Variants in AUTS2 observed in about 807,000 individuals in gnomAD.
AUTS2 encodes the protein activator of transcription and developmental regulator AUTS2, also known as autism susceptibility gene 2 protein.
In AUTS2, 17 loss-of-function variants were observed where a neutral mutation model predicts 112.4. The ratio of observed to expected loss-of-function variants is 0.15; its 90% confidence interval spans 0.10 to 0.23. The LOEUF (loss-of-function observed/expected upper bound fraction) is 0.23, where lower values mean the gene tolerates loss of function less well. Ranked by LOEUF, AUTS2 falls within the 10% of genes least tolerant of loss-of-function variation. The pLI, the probability that AUTS2 is intolerant of heterozygous loss-of-function variation, is 1.00. For synonymous variants in AUTS2, 751 were observed against 702.7 expected, an observed-to-expected ratio of 1.07 and a Z score of -1.09; for missense variants, 1,510 against 1,701.6, an observed-to-expected ratio of 0.89 and a Z score of 1.98.
chr7:70,742,710 C>T (rs1277208008), intron 6 of AUTS2, among the ~76,000 whole-genome samples: 1 of 152,144 alleles, frequency 6.6e-6, no homozygotes, highest in Non-Finnish European at 1.5e-5. Flanking sequence ...TGCAGTGAGC[C>T]GAGATCGCGC....
chr7:69,948,897 C>G (rs1052917194), intron 2 of AUTS2, among the ~76,000 whole-genome samples: 6 of 151,960 alleles, frequency 3.9e-5, no homozygotes, highest in African/African-American at 1.5e-4. Context: ...CCTCCACCTC[C>G]CGGGTTCAAG....
At chr7:69,761,002 G>A (rs1788163865) in intron 1 of AUTS2, among the ~76,000 whole-genome samples, 1 of 152,140 alleles carries the variant, frequency 6.6e-6, no homozygotes, top group Non-Finnish European at 1.5e-5. Flanking sequence ...TTGATGACAG[G>A]TAAATTTTTC....
At chr7:70,645,466 C>G (rs1005247734) in intron 5 of AUTS2, among the ~76,000 whole-genome samples, 3 of 152,032 alleles carry the variant, frequency 2.0e-5, no homozygotes, top group African/African-American at 7.2e-5. Context: ...GCTGCAGCAG[C>G]CTTTCAGAAT....
chr7:69,668,593 G>A (rs1230049079), intron 1 of AUTS2, among the ~76,000 whole-genome samples: 3 of 152,148 alleles, frequency 2.0e-5, no homozygotes, highest in Admixed American at 6.5e-5. Context: ...CATGAACCTA[G>A]CAACCAATTT....
intron 5 of AUTS2, among the ~76,000 whole-genome samples, chr7:70,646,000 C>T (rs1358067208): frequency 6.6e-6 from 1 of 152,170 alleles, no homozygotes; most frequent in African/African-American, 2.4e-5. Flanking sequence ...TTCACACCAC[C>T]GTCATGCTTT....
intron 4 of AUTS2, among the ~76,000 whole-genome samples, chr7:70,364,523 G>A (rs994724663): frequency 2.0e-5 from 3 of 150,710 alleles, no homozygotes; most frequent in African/African-American, 4.9e-5. Context: ...CCAGGATCAC[G>A]CCACTGCACT....
intron 1 of AUTS2, among the ~76,000 whole-genome samples, chr7:69,776,515 C>T (rs183023237): frequency 8.6e-4 from 131 of 152,178 alleles, no homozygotes; most frequent in African/African-American, 2.9e-3. Context: ...TCCTGGGCTC[C>T]GGTGAGCCCC....
At chr7:70,410,757 C>T (rs954417281) in intron 4 of AUTS2, among the ~76,000 whole-genome samples, 13 of 152,032 alleles carry the variant, frequency 8.6e-5, no homozygotes, top group African/African-American at 3.1e-4. Context: ...ACAGTCTCTT[C>T]TGGGATTTGT....
At chr7:70,105,409 G>A (rs1252166243) in intron 2 of AUTS2, among the ~76,000 whole-genome samples, 1 of 152,092 alleles carries the variant, frequency 6.6e-6, no homozygotes, top group African/African-American at 2.4e-5. Flanking sequence ...ACAGGCATAT[G>A]CCACAATGCC....
chr7:70,663,471 A>G (rs939094217), intron 5 of AUTS2, among the ~76,000 whole-genome samples: 2 of 152,150 alleles, frequency 1.3e-5, no homozygotes, highest in African/African-American at 2.4e-5. Context: ...GCTTCAATGG[A>G]ACGGACGTTG....
chr7:70,743,101 C>A, intron 6 of AUTS2, among the ~76,000 whole-genome samples: 1 of 152,136 alleles, frequency 6.6e-6, no homozygotes, highest in East Asian at 1.9e-4. Flanking sequence ...GCTTTTTAGT[C>A]TGTTTAGTAA....
intron 1 of AUTS2, among the ~76,000 whole-genome samples, chr7:69,742,788 GCTCTTCTC>G (rs1787324801): frequency 6.6e-6 from 1 of 152,152 alleles, no homozygotes; most frequent in African/African-American, 2.4e-5. Flanking sequence ...CACATTTAAA[GCTCTTCTC>G]CAAGCCTCAC....
intron 2 of AUTS2, among the ~76,000 whole-genome samples, chr7:69,910,023 T>C (rs1782006653): frequency 1.3e-5 from 2 of 152,218 alleles, no homozygotes; most frequent in Non-Finnish European, 1.5e-5. Context: ...TGTGCACTGC[T>C]GGAAGGTTGC....
At chr7:70,013,874 C>T (rs973335234) in intron 2 of AUTS2, among the ~76,000 whole-genome samples, 17 of 152,136 alleles carry the variant, frequency 1.1e-4, no homozygotes, top group African/African-American at 1.4e-4. Flanking sequence ...CGTATCACCA[C>T]GCCCGGCTAA....
chr7:69,838,245 A>C (rs760828465), intron 1 of AUTS2, among the ~76,000 whole-genome samples: 2 of 152,218 alleles, frequency 1.3e-5, no homozygotes, highest in Non-Finnish European at 2.9e-5. Context: ...TCTGAATATG[A>C]GATGACTTAG....
At chr7:69,803,662 T>TGTTCCCGG (rs2129340139) in intron 1 of AUTS2, among the ~76,000 whole-genome samples, 1 of 152,352 alleles carries the variant, frequency 6.6e-6, no homozygotes, top group African/African-American at 2.4e-5. Context: ...TGTTCCCACC[T>TGTTCCCGG]GTTCCCGGGG....
In AUTS2 at chr7:69,987,872, A is replaced by C. The variant is rs570544336; in HGVS notation, c.522+88374A>C. ...TGTTGTTCCAGATGAATTCACTTTTATATTGTATCAGTTGATGCCATTTCA... is the reference window on the plus strand; with the variant it reads ...TGTTGTTCCAGATGAATTCACTTTTCTATTGTATCAGTTGATGCCATTTCA... On this transcript the variant is annotated intron_variant, in intron 2 of 18. Transcript: ENST00000342771. Among the ~76,000 whole-genome samples the C allele has an allele frequency of 3.4e-4, 52 of 152,310 alleles. 1 individual carries two copies. Among genetic ancestry groups the C allele is most frequent in the African/African-American group, 1.1e-3 (45 of 41,578 alleles).
intron 12 of AUTS2, 137 bp downstream of exon 12, chr7:70,774,236 G>GA: frequency 2.6e-6 from 2 of 775,130 alleles, no homozygotes; most frequent in Non-Finnish European, 4.3e-6. Context: ...GTTTGTGGAA[G>GA]AAAATGCCAA....
rs139460191 is a variant in AUTS2 at position 69,660,216 on chromosome 7, C to T, written c.309+60254C>T. Among the ~76,000 whole-genome samples the T allele has an allele frequency of 2.3e-3, 352 of 152,288 alleles. 1 individual carries two copies. Among genetic ancestry groups the T allele is most frequent in the African/African-American group, 7.5e-3 (310 of 41,570 alleles). The stretch of plus-strand genomic sequence containing the variant: ...TGTGTTTTCATACTGATTTTCCATC[C>T]TGGGCCACCTGCTTTCTCCCTTCCT... On this transcript the variant is annotated intron_variant, in intron 1 of 18. Coordinates refer to ENST00000342771, the MANE Select transcript of AUTS2 (RefSeq NM_015570.4).
Sources: allele counts gnomAD v4.1 joint callset (sites outside exome capture counted in the v4.1 genomes callset), GRCh38; gene constraint gnomAD v4.1.1; transcripts MANE v1.5; gene names NCBI Gene and HGNC (gene_info 2026-07-23, HGNC 2026-07-21).